Variants in UGGT1 observed in about 807,000 individuals in gnomAD.
The protein encoded by UGGT1 is UDP-glucose glycoprotein glucosyltransferase 1, also known as UDP-glucose:glycoprotein glucosyltransferase 1.
A neutral mutation model predicts 203.9 loss-of-function variants in UGGT1; 107 were observed. The ratio of observed to expected loss-of-function variants is 0.52; its 90% confidence interval spans 0.45 to 0.62. The LOEUF (loss-of-function observed/expected upper bound fraction) is 0.62. Among genes scored for constraint, UGGT1 ranks in the 20% least tolerant of loss-of-function variants. The probability of loss-of-function intolerance (pLI) is 0.00; values close to 1 mark genes in which losing one functional copy is unlikely to be tolerated. For missense variants in UGGT1, 1,673 were observed against 1,867.2 expected (o/e 0.90, Z 1.92); for synonymous variants, 628 against 653.5 (o/e 0.96, Z 0.59).
At position 128,091,419 on chromosome 2, in the gene UGGT1, C is replaced by T; in HGVS notation, c.58+4C>T. On this transcript the variant is annotated splice_donor_region_variant and intron_variant, in intron 1 of 40. Transcript: ENST00000259253. ...GCGGGTGCGCTGCCGGTGACAGGTACCCAGGGGTGGCGTGAGGAGGCCTCG... is the reference window on the plus strand; with the variant it reads ...GCGGGTGCGCTGCCGGTGACAGGTATCCAGGGGTGGCGTGAGGAGGCCTCG... 1 of 1,580,580 alleles carries T rather than the reference C, an allele frequency of 6.3e-7. No individual in the cohort carries two copies. The highest frequency in any genetic ancestry group is 8.6e-7 in the Non-Finnish European group (1 of 1,163,236).
At chr2:128,098,897 A>G (rs1687238160) in intron 2 of UGGT1, among the ~76,000 whole-genome samples, 1 of 152,206 alleles carries the variant, frequency 6.6e-6, no homozygotes, top group Non-Finnish European at 1.5e-5. Flanking sequence ...GTGTTTGTAA[A>G]TAAATATAAT....
At chr2:128,173,205 G>A (rs957837795) in intron 29 of UGGT1, among the ~76,000 whole-genome samples, 2 of 152,150 alleles carry the variant, frequency 1.3e-5, no homozygotes, top group Non-Finnish European at 1.5e-5. Context: ...AGTATGTATC[G>A]ACGCTTCACT....
intron 14 of UGGT1, 142 bp downstream of exon 14, chr2:128,133,402 AC>A: frequency 8.5e-7 from 1 of 1,178,582 alleles, no homozygotes; most frequent in Non-Finnish European, 1.2e-6. Flanking sequence ...CCCTGTTCAC[AC>A]TGGAAAGGCT....
At chr2:128,140,392 G>A (rs1689356633) in intron 16 of UGGT1, 1 of 152,658 alleles carries the variant, frequency 6.6e-6, no homozygotes, top group Non-Finnish European at 1.5e-5. Context: ...GTCCATGCAG[G>A]GGATGATGCC....
At position 128,182,164 on chromosome 2, in the gene UGGT1, T is replaced by C. The variant is rs781543892; in HGVS notation, c.4118T>C (p.Phe1373Ser). Residue 1373 changes from phenylalanine (F) to serine (S), a missense_variant, in exon 37 of 41, where the codon TTC (phenylalanine) becomes TCC (serine). Coordinates refer to ENST00000259253, the MANE Select transcript of UGGT1 (RefSeq NM_020120.4). ...VRTDLKELRD[F>S]NLDGAPYGYT... ...ACAGATCTGAAAGAGTTAAGAGATT[T>C]CAATTTGGATGGTGCTCCTTATGGT... is the stretch of plus-strand genomic sequence containing the variant. 1.2e-6 allele frequency: 2 copies of C among 1,614,110 alleles called. No homozygotes were observed. Among genetic ancestry groups the C allele is most frequent in the East Asian group, 4.5e-5 (2 of 44,878 alleles).
At chr2:128,159,492 C>T (rs1379858951) in intron 22 of UGGT1, 22 bp from the exon 23 acceptor site, 2 of 1,605,958 alleles carry the variant, frequency 1.2e-6, no homozygotes, top group Middle Eastern at 3.3e-4. Context: ...AATATGACTC[C>T]CGTTTCCCAT....
At chr2:128,159,112 T>G (rs1302763029) in intron 22 of UGGT1, among the ~76,000 whole-genome samples, 1 of 128,894 alleles carries the variant, frequency 7.8e-6, no homozygotes, top group Non-Finnish European at 1.7e-5. Context: ...TTTTTTTTTT[T>G]TTAATGAGAC....
At chr2:128,113,398 A>G in intron 6 of UGGT1, 140 bp downstream of exon 6, 1 of 690,458 alleles carries the variant, frequency 1.4e-6, no homozygotes, top group Non-Finnish European at 2.2e-6. Flanking sequence ...AGTTTCATTG[A>G]GTCTATTATT....
intron 3 of UGGT1, among the ~76,000 whole-genome samples, chr2:128,105,955 G>T (rs1687588317): frequency 6.6e-6 from 1 of 151,986 alleles, no homozygotes; most frequent in African/African-American, 2.4e-5. Flanking sequence ...GTACAACCAG[G>T]CCTGGCTAAT....
At chr2:128,105,520 T>TATTTA (rs1008807279) in intron 3 of UGGT1, among the ~76,000 whole-genome samples, 1 of 151,328 alleles carries the variant, frequency 6.6e-6, no homozygotes, top group African/African-American at 2.4e-5. Flanking sequence ...TATTTTATTT[T>TATTTA]ATTTATTTTT....
chr2:128,108,365 C>T (rs1687699645), intron 4 of UGGT1, among the ~76,000 whole-genome samples: 1 of 152,126 alleles, frequency 6.6e-6, no homozygotes. Context: ...TAATTACAGC[C>T]TGTAGTTCTA....
intron 20 of UGGT1, 116 bp downstream of exon 20, chr2:128,155,703 A>T (rs1690194416): frequency 2.8e-6 from 2 of 718,264 alleles, no homozygotes; most frequent in Non-Finnish European, 4.4e-6. Context: ...AATTTTTCTT[A>T]TTTCTTATAA....
intron 30 of UGGT1, among the ~76,000 whole-genome samples, chr2:128,174,194 C>T (rs1691256211): frequency 6.6e-6 from 1 of 152,142 alleles, no homozygotes; most frequent in East Asian, 1.9e-4. Context: ...GAGCTGACAG[C>T]CTTTTTCTTT....
chr2:128,187,705 A>G, intron 40 of UGGT1, 91 bp downstream of exon 40: 1 of 1,359,002 alleles, frequency 7.4e-7, no homozygotes, highest in South Asian at 1.8e-5. Flanking sequence ...GATAAAAGGA[A>G]GAGAAAAATC....
At chr2:128,105,325 T>G (rs1442122463) in intron 3 of UGGT1, among the ~76,000 whole-genome samples, 1 of 151,050 alleles carries the variant, frequency 6.6e-6, no homozygotes, top group Non-Finnish European at 1.5e-5. Context: ...TTATTATTAT[T>G]TTTTATTTGG....
rs114461293 is a variant in UGGT1, at chr2:128,129,739, C to T, written c.1377+560C>T. On this transcript the variant is annotated intron_variant, in intron 13 of 40. Coordinates refer to ENST00000259253, the MANE Select transcript of UGGT1 (RefSeq NM_020120.4). ...TTCACTTGAGCATGCCCCTGGTATT[C>T]AGCTGAGCATCTCTTGGGAAAAAGC... 4.4e-3 allele frequency among the ~76,000 whole-genome samples: 673 copies of T among 152,220 alleles called. 2 individuals carry two copies. The highest frequency in any genetic ancestry group is 0.015 in the African/African-American group (639 of 41,538).
At chr2:128,092,349 G>A (rs200593293) in intron 1 of UGGT1, among the ~76,000 whole-genome samples, 4 of 37,240 alleles carry the variant, frequency 1.1e-4, no homozygotes, top group Non-Finnish European at 2.7e-4. Flanking sequence ...TATTTATTTT[G>A]TAGAGATGAG....
chr2:128,161,746 T>A (rs1026227866), intron 25 of UGGT1, among the ~76,000 whole-genome samples: 2 of 152,314 alleles, frequency 1.3e-5, no homozygotes, highest in Non-Finnish European at 2.9e-5. Flanking sequence ...CGGTTTTTAA[T>A]TTTAATTTTC....
intron 13 of UGGT1, among the ~76,000 whole-genome samples, chr2:128,129,728 C>T (rs1688786180): frequency 6.6e-6 from 1 of 151,960 alleles, no homozygotes; most frequent in Non-Finnish European, 1.5e-5. Context: ...CTTGAGCATG[C>T]CCCTGGTATT....
Sources: gnomAD v4.1 joint callset for allele counts (sites outside exome capture counted in the v4.1 genomes callset) on GRCh38, gnomAD v4.1.1 for gene constraint, MANE v1.5 for transcripts, NCBI Gene and HGNC (gene_info 2026-07-23, HGNC 2026-07-21) for gene names.